Variants in NTF3 observed in about 807,000 individuals in gnomAD.
The protein encoded by NTF3 is neurotrophin 3.
NTF3 carries 8 observed loss-of-function variants against 26.3 expected under a neutral mutation model. The ratio of observed to expected loss-of-function variants is 0.30; its 90% CI spans 0.18 to 0.55. The LOEUF is 0.55. NTF3 is among the 20% of genes least tolerant of loss of function. The pLI is 0.93. For synonymous variants in NTF3, 154 were observed against 145.5 expected, an observed-to-expected ratio of 1.06 and a Z score of -0.42; for missense variants, 276 against 352.9, an observed-to-expected ratio of 0.78 and a Z score of 1.75.
intron 1 of NTF3, among the ~76,000 whole-genome samples, chr12:5,466,966 C>T (rs1372096618): frequency 1.3e-5 from 2 of 152,118 alleles, no homozygotes; most frequent in East Asian, 3.9e-4. Context: ...GGTGCAGTGG[C>T]TCACGCCTGT....
chr12:5,466,155 G>A (rs770635220), intron 1 of NTF3, among the ~76,000 whole-genome samples: 1 of 152,196 alleles, frequency 6.6e-6, no homozygotes, highest in Non-Finnish European at 1.5e-5. Context: ...TTCAGGCTGA[G>A]CTGCCTCCAC....
At chr12:5,479,561 A>G (rs1940762732) in intron 1 of NTF3, among the ~76,000 whole-genome samples, 2 of 152,242 alleles carry the variant, frequency 1.3e-5, no homozygotes, top group African/African-American at 2.4e-5. Flanking sequence ...CTGCAGGATC[A>G]GGAGTCGGGA....
intron 1 of NTF3, among the ~76,000 whole-genome samples, chr12:5,478,192 A>G (rs1940746956): frequency 6.6e-6 from 1 of 152,224 alleles, no homozygotes; most frequent in Non-Finnish European, 1.5e-5. Context: ...TTTAAAATGC[A>G]ATTCAGTTCA....
intron 1 of NTF3, among the ~76,000 whole-genome samples, chr12:5,484,617 C>T (rs1289626010): frequency 6.6e-6 from 1 of 152,110 alleles, no homozygotes; most frequent in African/African-American, 2.4e-5. Context: ...ACAATTAATT[C>T]CCCAGCATCA....
At chr12:5,493,835 C>T (rs1940968268) in intron 1 of NTF3, among the ~76,000 whole-genome samples, 1 of 152,166 alleles carries the variant, frequency 6.6e-6, no homozygotes, top group African/African-American at 2.4e-5. Context: ...TTGAAGTTTT[C>T]ATGCTTTGCC....
At chr12:5,477,686 G>A (rs186278420) in intron 1 of NTF3, among the ~76,000 whole-genome samples, 1 of 152,132 alleles carries the variant, frequency 6.6e-6, no homozygotes, top group African/African-American at 2.4e-5. Flanking sequence ...AATTATTCGT[G>A]AGCCTTCACT....
intron 1 of NTF3, among the ~76,000 whole-genome samples, chr12:5,468,467 C>A (rs992668130): frequency 6.6e-6 from 1 of 152,126 alleles, no homozygotes; most frequent in Non-Finnish European, 1.5e-5. Context: ...GGGGCATTTG[C>A]TTCTCCATAT....
At chr12:5,461,394 G>A (rs1940522152) in intron 1 of NTF3, among the ~76,000 whole-genome samples, 2 of 152,250 alleles carry the variant, frequency 1.3e-5, no homozygotes, top group South Asian at 4.1e-4. Context: ...GTGAAGAAGA[G>A]ATTTTTTCCC....
chr12:5,444,639 A>G (rs995819747), intron 1 of NTF3, among the ~76,000 whole-genome samples: 3 of 152,142 alleles, frequency 2.0e-5, no homozygotes, highest in African/African-American at 7.2e-5. Context: ...AGTATGGTGG[A>G]GAGGTGGGCG....
chr12:5,468,493 A>G (rs1346704359), intron 1 of NTF3, among the ~76,000 whole-genome samples: 1 of 152,192 alleles, frequency 6.6e-6, no homozygotes, highest in Non-Finnish European at 1.5e-5. Flanking sequence ...ACTCCTCACC[A>G]GTACCAAGGC....
At chr12:5,455,500 C>G (rs905567013) in intron 1 of NTF3, among the ~76,000 whole-genome samples, 1 of 150,310 alleles carries the variant, frequency 6.7e-6, no homozygotes, top group South Asian at 2.1e-4. Flanking sequence ...AGCCCACAGC[C>G]CCCTATCCAT....
intron 1 of NTF3, among the ~76,000 whole-genome samples, chr12:5,474,560 G>A (rs1181381997): frequency 6.6e-6 from 1 of 152,192 alleles, no homozygotes; most frequent in African/African-American, 2.4e-5. Flanking sequence ...GCACCCAGGA[G>A]CCAGACGATG....
chr12:5,495,005 A>G lies in NTF3; in HGVS notation c.*17A>G, dbSNP rs764096531. ...AGAACATGAATTGGCATCTCTCCCC[A>G]TATATAAATTATTACTTTAAATTAT... On this transcript the variant is annotated 3_prime_UTR_variant, in exon 2 of 2. Coordinates refer to ENST00000423158, the MANE Select transcript of NTF3 (RefSeq NM_001102654.2). The G allele has an allele frequency of 3.8e-5, 61 of 1,598,658 alleles. No individual in the cohort carries two copies. The highest frequency in any genetic ancestry group is 2.1e-4 in the South Asian group (19 of 89,186).
chr12:5,452,386 C>T (rs771688148), intron 1 of NTF3, among the ~76,000 whole-genome samples: 2 of 152,194 alleles, frequency 1.3e-5, no homozygotes, highest in Non-Finnish European at 2.9e-5. Flanking sequence ...TGAGCCACCG[C>T]GCCTGGCCCT....
At chr12:5,489,506 C>CA (rs1319852178) in intron 1 of NTF3, among the ~76,000 whole-genome samples, 1 of 152,176 alleles carries the variant, frequency 6.6e-6, no homozygotes, top group Non-Finnish European at 1.5e-5. Flanking sequence ...TTTCCCCATT[C>CA]AAAATGGGAA....
At chr12:5,460,194 A>G (rs1021517431) in intron 1 of NTF3, among the ~76,000 whole-genome samples, 2 of 152,002 alleles carry the variant, frequency 1.3e-5, no homozygotes, top group Admixed American at 6.5e-5. Flanking sequence ...GCCCATCATT[A>G]TTAACTCAAG....
chr12:5,482,217 T>G (rs1037630463), intron 1 of NTF3, among the ~76,000 whole-genome samples: 1 of 152,178 alleles, frequency 6.6e-6, no homozygotes, highest in Non-Finnish European at 1.5e-5. Context: ...ACAAGACGGG[T>G]ACTGGCCTGT....
intron 1 of NTF3, among the ~76,000 whole-genome samples, chr12:5,444,747 C>A (rs748839789): frequency 6.6e-6 from 1 of 152,120 alleles, no homozygotes; most frequent in Non-Finnish European, 1.5e-5. Flanking sequence ...AAAGATCCCT[C>A]CGGCTGCAGT....
intron 1 of NTF3, among the ~76,000 whole-genome samples, chr12:5,459,657 C>T (rs945829559): frequency 7.9e-5 from 12 of 152,182 alleles, no homozygotes; most frequent in South Asian, 2.1e-4. Context: ...CAGAGCTTAG[C>T]GGATGTCCTA....
Sources: allele counts gnomAD v4.1 joint callset (sites outside exome capture counted in the v4.1 genomes callset), GRCh38; gene constraint gnomAD v4.1.1; transcripts MANE v1.5; gene names NCBI Gene and HGNC (gene_info 2026-07-23, HGNC 2026-07-21).